PRSS21: variants seen among roughly 807,000 people sequenced by gnomAD.
PRSS21 encodes testisin.
A neutral mutation model predicts 31.1 loss-of-function variants in PRSS21; 40 were observed. The observed-to-expected ratio is 1.29, with a 90% CI of 1.00 to 1.68. PRSS21 has a LOEUF of 1.68. PRSS21 is among the 40% of genes most tolerant of loss of function. PRSS21 has a pLI of 0.00. For missense variants in PRSS21, 467 were observed against 412.6 expected (o/e 1.13, Z -1.14); for synonymous variants, 186 against 167.7 (o/e 1.11, Z -0.84).
At chr16:2,820,805 G>C in intron 4 of PRSS21, 150 bp from the exon 5 acceptor site, 1 of 775,842 alleles carries the variant, frequency 1.3e-6, no homozygotes, top group East Asian at 2.5e-5. Flanking sequence ...CCTCTGTTGT[G>C]CTGGGGTCTG....
intron 5 of PRSS21, 38 bp from the exon 6 acceptor site, chr16:2,821,328 C>T (rs760104998): frequency 1.2e-5 from 19 of 1,609,690 alleles, no homozygotes; most frequent in African/African-American, 4.0e-5. Context: ...GCCCCACTCA[C>T]TCTGCCCCAG....
Position 2,818,763 on chromosome 16 carries a change from A to C in PRSS21, c.344A>C (p.Tyr115Ser), listed in dbSNP as rs747292318. ...CCATCCTTCTGGAGCCTGCAGGCCT[A>C]CTACACCCGTTACTTCGTATCGAAT... ...SMPSFWSLQA[Y>S]YTRYFVSNIY... is the part of the protein sequence containing the mutation. Residue 115 changes from tyrosine (Y) to serine (S), a missense_variant, in exon 4 of 6, where the codon TAC (tyrosine) becomes TCC (serine). Coordinates refer to ENST00000005995, the MANE Select transcript of PRSS21 (RefSeq NM_006799.4). 22 of 1,613,480 alleles carry C rather than the reference A, an allele frequency of 1.4e-5. No homozygotes were observed. The highest frequency in any genetic ancestry group is 1.7e-5 in the Non-Finnish European group (20 of 1,179,534).
At chr16:2,819,052 G>C (rs1472239757) in intron 4 of PRSS21, 83 bp downstream of exon 4, 1 of 1,481,308 alleles carries the variant, frequency 6.8e-7, no homozygotes, top group Non-Finnish European at 9.2e-7. Flanking sequence ...CCCCTGCTTG[G>C]TCTGGGGGTG....
In PRSS21 at chr16:2,817,721, C is replaced by A; in HGVS notation, c.92-80C>A. On this transcript the variant is annotated intron_variant, in intron 2 of 5. Transcript: ENST00000005995. The surrounding 1 kb of genome is among the most constrained non-coding windows in gnomAD (Gnocchi z 4.2). The stretch of plus-strand genomic sequence containing the variant: ...GTGGGCAAAAACGTGCTTTCCCGGA[C>A]GGGGTTGAAGGGGAGAAAGGGAGAG... 6.7e-7 allele frequency: 1 copy of A among 1,497,092 alleles called. No individual in the cohort carries two copies. The highest frequency in any genetic ancestry group is 2.0e-5 in the Admixed American group (1 of 49,030). The allele number at this position is 1,497,092 out of a possible 1,614,324, so 92.7% of individuals were successfully genotyped here. A position where few individuals can be genotyped will look rare whatever the true frequency, so the allele number is the denominator to read the frequency against.
At chr16:2,818,580 C>CA in intron 3 of PRSS21, 97 bp from the exon 4 acceptor site, 1 of 1,264,450 alleles carries the variant, frequency 7.9e-7, no homozygotes, top group Non-Finnish European at 1.1e-6. Flanking sequence ...CAAGTAGCAG[C>CA]AACACCACAG....
intron 4 of PRSS21, among the ~76,000 whole-genome samples, chr16:2,820,279 G>T (rs1014182075): frequency 2.0e-5 from 3 of 152,242 alleles, no homozygotes; most frequent in African/African-American, 4.8e-5. Flanking sequence ...CTTAGGAGAG[G>T]CCCCGCTGAC....
At chr16:2,818,593 T>C in intron 3 of PRSS21, 84 bp from the exon 4 acceptor site, 1 of 1,378,702 alleles carries the variant, frequency 7.3e-7, no homozygotes, top group South Asian at 1.3e-5. Context: ...CACCACAGTT[T>C]CCCCTCCTGC....
rs2150808762 is a variant in PRSS21, at chr16:2,818,528, T to G, written c.258-149T>G. On this transcript the variant is annotated intron_variant, in intron 3 of 5. Coordinates refer to ENST00000005995, the MANE Select transcript of PRSS21 (RefSeq NM_006799.4). ...AGGTCCTAGGACTTTGGTTGTGGTC[T>G]GTCTGGGCTCCTTCATTTCTGCAGG... The G allele has an allele frequency of 1.2e-5, 9 of 757,178 alleles. No individual in the cohort carries two copies. In the South Asian group the frequency reaches 1.7e-4, roughly 14 times the overall value. 46.9% of individuals were successfully genotyped at this position (757,178 alleles called of 1,614,324 possible). A position where few individuals can be genotyped will look rare whatever the true frequency, so the allele number is the denominator to read the frequency against.
Position 2,817,752 on chromosome 16 carries a change from G to A in PRSS21, c.92-49G>A. 9 of 1,536,370 alleles carry A rather than the reference G, an allele frequency of 5.9e-6. No homozygotes were observed. The highest frequency in any genetic ancestry group is 7.9e-6 in the Non-Finnish European group (9 of 1,140,282). On this transcript the variant is annotated intron_variant, in intron 2 of 5. Transcript: ENST00000005995. This position sits in a 1 kb window ranked among gnomAD's most constrained non-coding sequence, Gnocchi z 4.2. The stretch of plus-strand genomic sequence containing the variant: ...TGAAGGGGAGAAAGGGAGAGGTCGG[G>A]CTTGGGGGGCTGCCTCCCGCGGCTC...
chr16:2,818,046 G>A (rs1471345439), intron 3 of PRSS21, 80 bp downstream of exon 3: 1 of 1,464,552 alleles, frequency 6.8e-7, no homozygotes, highest in South Asian at 1.3e-5. Flanking sequence ...TTTACCTCTG[G>A]TCTGATGCCA....
At position 2,817,994 on chromosome 16, in the gene PRSS21, C is replaced by A; in HGVS notation, c.257+28C>A. 1 of 1,536,058 alleles carries A rather than the reference C, an allele frequency of 6.5e-7. No homozygotes were observed. The highest frequency in any genetic ancestry group is 8.8e-7 in the Non-Finnish European group (1 of 1,140,352). ...GAGTGGGGGTGCGAACGGAGGGGTG[C>A]GGGGACGGGCAGGAACAGGGCTGGA... On this transcript the variant is annotated intron_variant, in intron 3 of 5. Coordinates refer to ENST00000005995, the MANE Select transcript of PRSS21 (RefSeq NM_006799.4). The surrounding 1 kb of genome is among the most constrained non-coding windows in gnomAD (Gnocchi z 4.2).
rs752827008 is a variant in PRSS21, at chr16:2,821,442, G to A, written c.782G>A (p.Gly261Asp). Residue 261 changes from glycine (G) to aspartate (D), a missense_variant, in exon 6 of 6, where the codon GGC becomes GAC. Physicochemically the swap from Gly to Asp is moderately conservative, Grantham distance 94. Transcript: ENST00000005995. ...ATTGGAGTCGTGAGCTGGGGAGTGG[G>A]CTGTGGTCGGCCCAATCGGCCCGGT... ...YQIGVVSWGV[G>D]CGRPNRPGVY... The A allele has an allele frequency of 6.2e-7, 1 of 1,614,214 alleles. No individual in the cohort carries two copies. Among genetic ancestry groups the A allele is most frequent in the South Asian group, 1.1e-5 (1 of 91,090 alleles).
intron 4 of PRSS21, 69 bp downstream of exon 4, chr16:2,819,038 T>C (rs1190025228): frequency 1.3e-6 from 2 of 1,549,702 alleles, no homozygotes; most frequent in Admixed American, 1.8e-5. Flanking sequence ...ATAGGCACAA[T>C]AGCCCCCTGC....
rs1240746947 is a variant in PRSS21 at position 2,818,975 on chromosome 16, G to A, written c.550+6G>A. ...GTACATCAAAGAGGATGAGGGTGAG[G>A]CTGGGGACAGGCGGGTCAGGGAGGA... On this transcript the variant is annotated splice_donor_region_variant and intron_variant, in intron 4 of 5. Coordinates refer to ENST00000005995, the MANE Select transcript of PRSS21 (RefSeq NM_006799.4). 3.7e-6 allele frequency: 6 copies of A among 1,612,974 alleles called. No homozygotes were observed. Among genetic ancestry groups the A allele is most frequent in the Non-Finnish European group, 5.1e-6 (6 of 1,179,172 alleles).
In PRSS21 at chr16:2,817,536, G is replaced by GC; in HGVS notation, c.91+82dup. On this transcript the variant is annotated intron_variant, in intron 2 of 5. Transcript: ENST00000005995. This position sits in a 1 kb window ranked among gnomAD's most constrained non-coding sequence, Gnocchi z 4.2. The stretch of plus-strand genomic sequence containing the variant: ...GGGGGCGGTGAGGGGGTAGAGGGGG[G>GC]CCTTTACTGCTCTCTCGCCCCCGCC... 17 of 944,902 alleles carry GC rather than the reference G, an allele frequency of 1.8e-5. No homozygotes were observed. Among genetic ancestry groups the GC allele is most frequent in the East Asian group, 2.8e-5 (1 of 36,152 alleles). The allele number at this position is 944,902 out of a possible 1,614,324, so 58.5% of individuals were successfully genotyped here.
At chr16:2,818,572 A>C (rs1226349334) in intron 3 of PRSS21, 105 bp from the exon 4 acceptor site, 3 of 1,181,618 alleles carry the variant, frequency 2.5e-6, no homozygotes, top group Non-Finnish European at 3.6e-6. Context: ...GGTGTTAGCA[A>C]GTAGCAGCAA....
chr16:2,818,582 A>G, intron 3 of PRSS21, 95 bp from the exon 4 acceptor site: 1 of 1,296,186 alleles, frequency 7.7e-7, no homozygotes, highest in South Asian at 1.4e-5. Context: ...AGTAGCAGCA[A>G]CACCACAGTT....
Position 2,818,775 on chromosome 16 carries a change from ACT to A in PRSS21, c.357_358del (p.Phe120ArgfsTer17), listed in dbSNP as rs1479308253. Reference sequence around the variant, plus strand: ...AGCCTGCAGGCCTACTACACCCGTTACTTCGTATCGAATATCTATCTGAGCCC... The same window carrying A: ...AGCCTGCAGGCCTACTACACCCGTTATCGTATCGAATATCTATCTGAGCCC... On this transcript the variant is annotated frameshift_variant, in exon 4 of 6. Coordinates refer to ENST00000005995, the MANE Select transcript of PRSS21 (RefSeq NM_006799.4). LOFTEE classifies it high-confidence loss of function. 3 of 1,613,588 alleles carry A rather than the reference ACT, an allele frequency of 1.9e-6. No homozygotes were observed. In the Admixed American group the frequency reaches 5.0e-5, roughly 27 times the overall value.
In PRSS21 at chr16:2,817,997, G is replaced by C. The variant is rs1390914583; in HGVS notation, c.257+31G>C. 6.5e-7 allele frequency: 1 copy of C among 1,535,610 alleles called. No homozygotes were observed. Among genetic ancestry groups the C allele is most frequent in the Non-Finnish European group, 8.8e-7 (1 of 1,140,480 alleles). On this transcript the variant is annotated intron_variant, in intron 3 of 5. Transcript: ENST00000005995. This position sits in a 1 kb window ranked among gnomAD's most constrained non-coding sequence, Gnocchi z 4.2. ...TGGGGGTGCGAACGGAGGGGTGCGG[G>C]GACGGGCAGGAACAGGGCTGGAGGG...
Sources: allele counts gnomAD v4.1 joint callset (sites outside exome capture counted in the v4.1 genomes callset), GRCh38; gene constraint gnomAD v4.1.1; non-coding constraint Gnocchi (gnomAD v3.1); transcripts MANE v1.5; gene names NCBI Gene and HGNC (gene_info 2026-07-23, HGNC 2026-07-21).